Variants in WASHC3 observed in about 807,000 individuals in gnomAD.
WASHC3 encodes WASH complex subunit CCDC53.
A neutral mutation model predicts 26.1 loss-of-function variants in WASHC3; 24 were observed. That is an observed-to-expected ratio of 0.92 (90% confidence interval 0.66 to 1.29). WASHC3 has a LOEUF of 1.29. Among genes scored for constraint, WASHC3 ranks in the 50% most tolerant of loss-of-function variants. WASHC3 has a pLI of 0.00. For missense variants in WASHC3, 214 were observed against 229.6 expected (o/e 0.93, Z 0.44); for synonymous variants, 77 against 75.7 (o/e 1.02, Z -0.09).
rs1287811084 is a variant in WASHC3 at position 102,013,017 on chromosome 12, GTTT to G, written c.*88_*90del. ...GGTAGTGGACATGTGGCCATTTGAT[GTTT>G]TTATGACTAAGAGAGTTCAGGCTCA... is the stretch of plus-strand genomic sequence containing the variant. On this transcript the variant is annotated 3_prime_UTR_variant, in exon 7 of 7. Coordinates refer to ENST00000240079, the MANE Select transcript of WASHC3 (RefSeq NM_016053.4). 6.8e-6 allele frequency: 4 copies of G among 589,248 alleles called. No homozygotes were observed. Among genetic ancestry groups the G allele is most frequent in the Non-Finnish European group, 1.2e-5 (4 of 338,642 alleles). 36.5% of individuals were successfully genotyped at this position (589,248 alleles called of 1,614,324 possible). A position where few individuals can be genotyped will look rare whatever the true frequency, so the allele number is the denominator to read the frequency against.
Position 102,030,520 on chromosome 12 carries a change from G to A in WASHC3, c.436-4482C>T, listed in dbSNP as rs187162965. 2.0e-5 allele frequency among the ~76,000 whole-genome samples: 3 copies of A among 151,682 alleles called. No individual in the cohort carries two copies. The East Asian group carries it at 5.8e-4, about 29-fold the overall frequency. On this transcript the variant is annotated intron_variant, in intron 5 of 6. Coordinates refer to ENST00000240079, the MANE Select transcript of WASHC3 (RefSeq NM_016053.4). ...TTTTTAATCACTGTAAAATGAATAC[G>A]GCTACCTAAAAAAAATGGAAACTTT... is the stretch of plus-strand genomic sequence containing the variant.
chr12:102,035,856 T>TA (rs1488589290), intron 5 of WASHC3, among the ~76,000 whole-genome samples: 1 of 152,180 alleles, frequency 6.6e-6, no homozygotes, highest in Non-Finnish European at 1.5e-5. Flanking sequence ...GGTAAAGTCA[T>TA]TGGATAGGTC....
rs201521376 is a variant in WASHC3 at position 102,061,289 on chromosome 12, T to C, written c.109A>G (p.Thr37Ala). 3.1e-6 allele frequency: 5 copies of C among 1,613,926 alleles called. No homozygotes were observed. The highest frequency in any genetic ancestry group is 8.5e-7 in the Non-Finnish European group (1 of 1,179,830). The change falls in exon 2 of 7, where the codon ACT (threonine) becomes GCT (alanine). Residue 37 changes from threonine (T) to alanine (A), a missense_variant. By Grantham distance (58) the Thr-to-Ala change is moderately conservative. Transcript: ENST00000240079. Reference protein sequence around the residue: ...VAFLNQFVVHTVQFLNRFSTV... With the variant: ...VAFLNQFVVHAVQFLNRFSTV... Reference sequence around the variant, plus strand: ...GAAAAGCGGTTGAGGAACTGTACAGTGTGCACCACAAATTGGTTTAGAAAA... The same window carrying C: ...GAAAAGCGGTTGAGGAACTGTACAGCGTGCACCACAAATTGGTTTAGAAAA...
intron 5 of WASHC3, among the ~76,000 whole-genome samples, chr12:102,026,581 C>T (rs1309316082): frequency 2.0e-5 from 3 of 152,124 alleles, no homozygotes; most frequent in Non-Finnish European, 4.4e-5. Context: ...GGTACAAACA[C>T]TAATGACAAT....
chr12:102,061,407 T>G, intron 1 of WASHC3, 61 bp from the exon 2 acceptor site: 2 of 1,117,484 alleles, frequency 1.8e-6, no homozygotes, highest in South Asian at 2.6e-5. Flanking sequence ...GCAAATCTTT[T>G]CATATTTGGA....
chr12:102,058,023 C>T (rs927293620), intron 2 of WASHC3, among the ~76,000 whole-genome samples: 2 of 152,008 alleles, frequency 1.3e-5, no homozygotes, highest in African/African-American at 2.4e-5. Flanking sequence ...CACAAAGCTA[C>T]AGTAATCAAA....
At chr12:102,037,966 T>G (rs1330442688) in intron 5 of WASHC3, among the ~76,000 whole-genome samples, 2 of 152,072 alleles carry the variant, frequency 1.3e-5, no homozygotes, top group African/African-American at 4.8e-5. Context: ...CAGCTAATTT[T>G]GTATTTTTAG....
chr12:102,012,877 T>C lies in WASHC3; in HGVS notation c.*231A>G, dbSNP rs547518723. Reference sequence around the variant, plus strand: ...TCTATCTTAGTATTTGTAGCACTAATTGTACTTTATTTAGGTTATCCTATT... The same window carrying C: ...TCTATCTTAGTATTTGTAGCACTAACTGTACTTTATTTAGGTTATCCTATT... On this transcript the variant is annotated 3_prime_UTR_variant, in exon 7 of 7. Transcript: ENST00000240079. The C allele has an allele frequency of 8.2e-6, 3 of 364,596 alleles. No individual in the cohort carries two copies. The highest frequency in any genetic ancestry group is 1.5e-5 in the Non-Finnish European group (3 of 203,284). 22.6% of individuals were successfully genotyped at this position (364,596 alleles called of 1,614,324 possible).
chr12:102,052,269 G>C (rs567365296), intron 2 of WASHC3, among the ~76,000 whole-genome samples: 14 of 152,338 alleles, frequency 9.2e-5, no homozygotes, highest in African/African-American at 3.4e-4. Flanking sequence ...TACCCTCCAG[G>C]TGGGCGAAGG....
intron 2 of WASHC3, among the ~76,000 whole-genome samples, chr12:102,054,367 A>G (rs1252269717): frequency 6.6e-6 from 1 of 152,216 alleles, no homozygotes; most frequent in Non-Finnish European, 1.5e-5. Flanking sequence ...AAATGGACAC[A>G]CATAGATTGA....
chr12:102,039,249 TAG>T (rs1053531051), intron 5 of WASHC3, among the ~76,000 whole-genome samples: 4 of 151,650 alleles, frequency 2.6e-5, no homozygotes, highest in Non-Finnish European at 5.9e-5. Context: ...GTGCTAGGAT[TAG>T]AGGTGTGTGT....
At chr12:102,062,002 C>T (rs377613417), upstream of WASHC3, 450 of 1,556,770 alleles carry the variant, frequency 2.9e-4, 5 homozygotes, top group African/African-American at 3.7e-3. Context: ...ACCCACAAAC[C>T]CCTCCCAGAT....
chr12:102,017,786 T>A (rs1176419938), intron 6 of WASHC3: 2 of 437,744 alleles, frequency 4.6e-6, no homozygotes, highest in Admixed American at 5.2e-5. Context: ...TGTCTTCATT[T>A]TTTTCTTTTT....
chr12:102,041,503 C>T (rs1184719864), intron 4 of WASHC3, among the ~76,000 whole-genome samples: 1 of 151,952 alleles, frequency 6.6e-6, no homozygotes, highest in African/African-American at 2.4e-5. Context: ...ATTAAAGTTG[C>T]AGAAAAATCA....
At chr12:102,043,360 C>T (rs1030503972) in intron 4 of WASHC3, among the ~76,000 whole-genome samples, 4 of 151,988 alleles carry the variant, frequency 2.6e-5, no homozygotes, top group Admixed American at 6.6e-5. Flanking sequence ...ACCTCTGCCT[C>T]GTGGGCTCAA....
intron 2 of WASHC3, among the ~76,000 whole-genome samples, chr12:102,057,947 G>GCCAAAT (rs1878659061): frequency 6.6e-6 from 1 of 151,728 alleles, no homozygotes; most frequent in Non-Finnish European, 1.5e-5. Flanking sequence ...ACCCTGAACA[G>GCCAAAT]GCAATGCAAT....
At chr12:102,031,435 A>G (rs1041370926) in intron 5 of WASHC3, among the ~76,000 whole-genome samples, 1 of 152,202 alleles carries the variant, frequency 6.6e-6, no homozygotes, top group Admixed American at 6.5e-5. Context: ...ATAGTTTACT[A>G]TTTTGCTAAG....
chr12:102,060,696 C>T (rs1878768681), intron 2 of WASHC3, among the ~76,000 whole-genome samples: 1 of 152,092 alleles, frequency 6.6e-6, no homozygotes, highest in Admixed American at 6.5e-5. Context: ...TGGCTCACGC[C>T]TGTAATCCCA....
At chr12:102,027,084 T>A (rs1179942216) in intron 5 of WASHC3, among the ~76,000 whole-genome samples, 1 of 152,230 alleles carries the variant, frequency 6.6e-6, no homozygotes, top group East Asian at 1.9e-4. Context: ...TGTTTATGTG[T>A]ATAATGTGCT....
Sources: gnomAD v4.1 joint callset for allele counts (sites outside exome capture counted in the v4.1 genomes callset) on GRCh38, gnomAD v4.1.1 for gene constraint, MANE v1.5 for transcripts, NCBI Gene and HGNC (gene_info 2026-07-23, HGNC 2026-07-21) for gene names.